Variants in IQCH observed in about 807,000 individuals in gnomAD.
The protein encoded by IQCH is IQ domain-containing protein H.
A neutral mutation model predicts 117.0 loss-of-function variants in IQCH; 98 were observed. The observed-to-expected ratio is 0.84, with a 90% CI of 0.71 to 0.99. The LOEUF (loss-of-function observed/expected upper bound fraction) is 0.99. IQCH is among the 50% of genes least tolerant of loss of function. The probability of loss-of-function intolerance (pLI) is 0.00; values close to 1 mark genes in which losing one functional copy is unlikely to be tolerated. For synonymous variants in IQCH, 412 were observed against 448.2 expected (o/e 0.92, Z 1.02); for missense variants, 1,102 against 1,243.8 (o/e 0.89, Z 1.72).
intron 6 of IQCH, among the ~76,000 whole-genome samples, chr15:67,354,587 C>T (rs1182304654): frequency 1.4e-5 from 2 of 144,226 alleles, no homozygotes; most frequent in Non-Finnish European, 3.1e-5. Context: ...CATTTTTGTA[C>T]TGAGGTCCTA....
rs1416627859 is a variant in IQCH, at chr15:67,385,439, AAG to A, written c.1456+421_1456+422del. 6.6e-6 allele frequency among the ~76,000 whole-genome samples: 1 copy of A among 152,206 alleles called. No homozygotes were observed. Among genetic ancestry groups the A allele is most frequent in the East Asian group, 1.9e-4 (1 of 5,192 alleles). On this transcript the variant is annotated intron_variant, in intron 11 of 20. Transcript: ENST00000335894. The surrounding 1 kb of genome is among the most constrained non-coding windows in gnomAD (Gnocchi z 4.6). Reference sequence around the variant, plus strand: ...AGCATTGTGTTTTCATAAGAAGAAAAAGGGGAAAATTAAGATAGATTTTTAAA... The same window carrying A: ...AGCATTGTGTTTTCATAAGAAGAAAAGGGAAAATTAAGATAGATTTTTAAA...
At chr15:67,451,073 C>T (rs2082512788) in intron 16 of IQCH, among the ~76,000 whole-genome samples, 1 of 152,012 alleles carries the variant, frequency 6.6e-6, no homozygotes, top group Non-Finnish European at 1.5e-5. Context: ...GGTGATATCC[C>T]CTTTATCATT....
At chr15:67,257,324 G>A (rs1431394239) in intron 1 of IQCH, among the ~76,000 whole-genome samples, 1 of 152,226 alleles carries the variant, frequency 6.6e-6, no homozygotes. Flanking sequence ...TGGCAAGTCA[G>A]TGACTGAGTG....
In IQCH at chr15:67,316,471, T is replaced by C. The variant is rs1967850904; in HGVS notation, c.388-20504T>C. Reference sequence around the variant, plus strand: ...ATTTACATCCCAGGGAAAGTACCTATCACCAACTTTCTACCATCTTGGGTT... The same window carrying C: ...ATTTACATCCCAGGGAAAGTACCTACCACCAACTTTCTACCATCTTGGGTT... On this transcript the variant is annotated intron_variant, in intron 4 of 20. Transcript: ENST00000335894. 2.0e-5 allele frequency among the ~76,000 whole-genome samples: 3 copies of C among 152,194 alleles called. 1 individual carries two copies. The South Asian group carries it at 6.2e-4, about 31-fold the overall frequency.
At chr15:67,307,615 C>T (rs764371780) in intron 4 of IQCH, among the ~76,000 whole-genome samples, 1 of 151,958 alleles carries the variant, frequency 6.6e-6, no homozygotes, top group African/African-American at 2.4e-5. Flanking sequence ...AATTTGGCAA[C>T]GGTAGCAGAA....
rs111875205 is a variant in IQCH at position 67,487,429 on chromosome 15, AAC to A, written c.2800-2546_2800-2545del. On this transcript the variant is annotated intron_variant, in intron 18 of 20. Coordinates refer to ENST00000335894, the MANE Select transcript of IQCH (RefSeq NM_001031715.3). The stretch of plus-strand genomic sequence containing the variant: ...CTTCCTGAGCACAAAACTTAAGGAA[AAC>A]ACACACACACACACACACACACACA... Among the ~76,000 whole-genome samples, 335 of 148,148 alleles carry A rather than the reference AAC, an allele frequency of 2.3e-3. 2 individuals carry two copies. The highest frequency in any genetic ancestry group is 2.8e-3 in the South Asian group (13 of 4,634).
At chr15:67,354,758 T>C (rs1198418027) in intron 6 of IQCH, among the ~76,000 whole-genome samples, 2 of 152,180 alleles carry the variant, frequency 1.3e-5, no homozygotes, top group African/African-American at 4.8e-5. Flanking sequence ...AATTGGGAAG[T>C]GAGGAGCCTA....
At position 67,489,986 on chromosome 15, in the gene IQCH, C is replaced by A; in HGVS notation, c.2800-17C>A. On this transcript the variant is annotated splice_polypyrimidine_tract_variant and intron_variant, in intron 18 of 20. Coordinates refer to ENST00000335894, the MANE Select transcript of IQCH (RefSeq NM_001031715.3). Reference sequence around the variant, plus strand: ...AGATAATATACTATTTCTTTTCTCCCCATTCAAATTTTACAGGAAAGGCAA... The same window carrying A: ...AGATAATATACTATTTCTTTTCTCCACATTCAAATTTTACAGGAAAGGCAA... 1 of 1,555,352 alleles carries A rather than the reference C, an allele frequency of 6.4e-7. No homozygotes were observed. The highest frequency in any genetic ancestry group is 8.9e-7 in the Non-Finnish European group (1 of 1,127,650).
chr15:67,488,252 G>A (rs750726083), intron 18 of IQCH, among the ~76,000 whole-genome samples: 5 of 152,178 alleles, frequency 3.3e-5, no homozygotes, highest in Admixed American at 6.5e-5. Flanking sequence ...TGGGGACATC[G>A]AGGCTGCAGT....
intron 4 of IQCH, among the ~76,000 whole-genome samples, chr15:67,312,796 G>C (rs1967664094): frequency 6.6e-6 from 1 of 152,096 alleles, no homozygotes; most frequent in South Asian, 2.1e-4. Context: ...GGGACTAATA[G>C]GATTGTTTTT....
At chr15:67,340,282 G>A (rs1969087241) in intron 5 of IQCH, among the ~76,000 whole-genome samples, 1 of 151,790 alleles carries the variant, frequency 6.6e-6, no homozygotes, top group Non-Finnish European at 1.5e-5. Flanking sequence ...ACAAAAATTA[G>A]CCAGGTGTGA....
intron 12 of IQCH, among the ~76,000 whole-genome samples, chr15:67,394,927 T>C (rs1376614717): frequency 6.6e-6 from 1 of 152,190 alleles, no homozygotes; most frequent in African/African-American, 2.4e-5. Context: ...ATTTTTTGTA[T>C]TGATTTTCCA....
chr15:67,290,559 T>C (rs1966717268), intron 4 of IQCH, among the ~76,000 whole-genome samples: 1 of 152,080 alleles, frequency 6.6e-6, no homozygotes, highest in Admixed American at 6.6e-5. Context: ...CAAGATTCTT[T>C]TGACATCACA....
intron 4 of IQCH, chr15:67,304,593 C>T (rs574568157): frequency 9.2e-5 from 43 of 469,226 alleles, no homozygotes; most frequent in Non-Finnish European, 1.4e-4. Flanking sequence ...GATGAAATGG[C>T]TCTCATTCTG....
chr15:67,265,977 A>T (rs1243822725), intron 3 of IQCH, among the ~76,000 whole-genome samples: 1 of 152,216 alleles, frequency 6.6e-6, no homozygotes, highest in Non-Finnish European at 1.5e-5. Flanking sequence ...AACTCACTGA[A>T]GAGTGGGCTG....
intron 3 of IQCH, among the ~76,000 whole-genome samples, chr15:67,267,058 T>C (rs1490718757): frequency 6.6e-6 from 1 of 152,258 alleles, no homozygotes; most frequent in Admixed American, 6.5e-5. Flanking sequence ...GCACCAGTGC[T>C]GTTCCACTGT....
At chr15:67,357,119 C>T (rs926890314) in intron 6 of IQCH, among the ~76,000 whole-genome samples, 10 of 152,164 alleles carry the variant, frequency 6.6e-5, no homozygotes, top group South Asian at 2.1e-4. Flanking sequence ...TTGCATAAGG[C>T]GGGCTGACTT....
rs746235029 is a variant in IQCH, at chr15:67,384,968, G to A, written c.1405G>A (p.Asp469Asn). The A allele has an allele frequency of 1.6e-5, 25 of 1,611,998 alleles. No homozygotes were observed. The highest frequency in any genetic ancestry group is 4.0e-5 in the African/African-American group (3 of 74,822). Reference protein sequence around the residue: ...YSQPVREHIADFNTQQNMQLG... With the variant: ...YSQPVREHIANFNTQQNMQLG... ...CCAGCCTGTGAGAGAACATATTGCC[G>A]ATTTCAACACACAGCAGAACATGCA... Residue 469 changes from aspartate to asparagine, a missense_variant, in exon 11 of 21, where the codon GAT becomes AAT. Transcript: ENST00000335894. This position sits in a 1 kb window ranked among gnomAD's most constrained non-coding sequence, Gnocchi z 4.3.
chr15:67,257,775 A>T (rs1298641293), intron 1 of IQCH, among the ~76,000 whole-genome samples: 1 of 152,262 alleles, frequency 6.6e-6, no homozygotes, highest in Non-Finnish European at 1.5e-5. Context: ...CTTATGATTC[A>T]AAATTAGCTT....
Sources: allele counts gnomAD v4.1 joint callset (sites outside exome capture counted in the v4.1 genomes callset), GRCh38; gene constraint gnomAD v4.1.1; non-coding constraint Gnocchi (gnomAD v3.1); transcripts MANE v1.5; gene names NCBI Gene and HGNC (gene_info 2026-07-23, HGNC 2026-07-21).